Variants in GGA2 observed in about 807,000 individuals in gnomAD.
GGA2 encodes ADP-ribosylation factor-binding protein GGA2.
Under a neutral mutation model 79.5 loss-of-function variants are expected in GGA2, and 48 were observed. That is an observed-to-expected ratio of 0.60 (90% confidence interval 0.48 to 0.77). The LOEUF is 0.77. GGA2 is among the 30% of genes least tolerant of loss of function. GGA2 has a pLI of 0.00. For synonymous variants in GGA2, 317 were observed against 302.0 expected (o/e 1.05, Z -0.51); for missense variants, 770 against 774.0 (o/e 0.99, Z 0.06).
chr16:23,476,704 A>G (rs1429193922), intron 13 of GGA2, among the ~76,000 whole-genome samples: 1 of 152,248 alleles, frequency 6.6e-6, no homozygotes, highest in African/African-American at 2.4e-5. Flanking sequence ...ATACAAAAAA[A>G]GCAAAAAAGG....
intron 8 of GGA2, 118 bp downstream of exon 8, chr16:23,485,897 G>T: frequency 1.1e-6 from 1 of 887,860 alleles, no homozygotes; most frequent in Non-Finnish European, 1.8e-6. Context: ...CATTTGGGGA[G>T]GTGTCAGATA....
intron 3 of GGA2, 21 bp from the exon 4 acceptor site, chr16:23,493,479 C>T: frequency 6.7e-7 from 1 of 1,501,158 alleles, no homozygotes; most frequent in South Asian, 1.1e-5. Context: ...ACAGGACCCC[C>T]AGGAGAAGGT....
Position 23,510,392 on chromosome 16 carries a change from G to A in GGA2, c.20C>T (p.Ala7Val). MAATAV[A>V]AAVAGTESAQ... ...CGACTCGGTTCCCGCCACAGCCGCC[G>A]CCACCGCGGTCGCCGCCATCGCTCC... The change falls in exon 1 of 17, where the codon GCG becomes GTG. Residue 7 changes from alanine to valine, a missense_variant. Coordinates refer to ENST00000309859, the MANE Select transcript of GGA2 (RefSeq NM_015044.4). The A allele has an allele frequency of 2.9e-6, 4 of 1,392,742 alleles. No homozygotes were observed. Among genetic ancestry groups the A allele is most frequent in the South Asian group, 1.5e-5 (1 of 66,596 alleles). The allele number at this position is 1,392,742 out of a possible 1,614,324, so 86.3% of individuals were successfully genotyped here.
chr16:23,511,040 T>TGTGC (rs1416496294), upstream of GGA2, among the ~76,000 whole-genome samples: 1 of 150,942 alleles, frequency 6.6e-6, no homozygotes, highest in Non-Finnish European at 1.5e-5. Context: ...TGTGTGTGTG[T>TGTGC]GTGTGTGTGT....
rs111866866 is a variant in GGA2 at position 23,515,623 on chromosome 16, C to T, written c.61+3964G>A. On this transcript the variant is annotated intron_variant, in intron 2 of 5. Coordinates refer to the GGA2 transcript ENST00000569300. ...AATTAAAAATAAATTACCCAGCCTCCGATATTTCTTTACAGCAACACAATG... is the reference window on the plus strand; with the variant it reads ...AATTAAAAATAAATTACCCAGCCTCTGATATTTCTTTACAGCAACACAATG... Among the ~76,000 whole-genome samples, 572 of 151,708 alleles carry T rather than the reference C, an allele frequency of 3.8e-3. 1 individual carries two copies. The highest frequency in any genetic ancestry group is 0.013 in the South Asian group (62 of 4,798).
chr16:23,484,494 G>T (rs985745303), intron 8 of GGA2, among the ~76,000 whole-genome samples: 2 of 152,134 alleles, frequency 1.3e-5, no homozygotes, highest in African/African-American at 4.8e-5. Context: ...AAGGAAGGGA[G>T]AAAACTGTCT....
chr16:23,477,465 TGA>T (rs1325220215), intron 13 of GGA2, among the ~76,000 whole-genome samples: 3 of 152,196 alleles, frequency 2.0e-5, no homozygotes, highest in African/African-American at 7.2e-5. Flanking sequence ...GCCTTTTGGC[TGA>T]GTGTGGTGGC....
intron 8 of GGA2, 151 bp downstream of exon 8, chr16:23,485,864 G>A: frequency 1.4e-6 from 1 of 712,358 alleles, no homozygotes; most frequent in Non-Finnish European, 2.3e-6. Context: ...GACAGACAAA[G>A]GGAGGACAAA....
rs1232674582 is a variant in GGA2, at chr16:23,480,742, G to A, written c.909C>T (p.Leu303=). The A allele has an allele frequency of 6.2e-7, 1 of 1,611,510 alleles. No homozygotes were observed. The highest frequency in any genetic ancestry group is 1.1e-5 in the South Asian group (1 of 91,012). The change falls in exon 10 of 17, where the codon CTC becomes CTT. Residue 303 remains leucine, a synonymous_variant. Coordinates refer to ENST00000309859, the MANE Select transcript of GGA2 (RefSeq NM_015044.4). The part of the protein sequence containing the change: ...LAEILQANDL[L]TQGVLLYKQV... ...GTTTGTACAGCAGAACTCCTTGGGT[G>A]AGGAGGTCATTTGCCTGGAGAATTT...
At chr16:23,486,889 C>A (rs1433607021) in intron 6 of GGA2, 99 bp from the exon 7 acceptor site, 2 of 775,290 alleles carry the variant, frequency 2.6e-6, no homozygotes, top group African/African-American at 3.4e-5. Flanking sequence ...CAACAGTGCA[C>A]ACATTTTACA....
chr16:23,478,237 A>C (rs1012542908), intron 13 of GGA2, 131 bp downstream of exon 13: 1 of 660,166 alleles, frequency 1.5e-6, no homozygotes, highest in African/African-American at 1.9e-5. Context: ...AAAAAAAAAA[A>C]AAGAAAGAAA....
chr16:23,496,302 CAAAA>C (rs754859869), intron 1 of GGA2, among the ~76,000 whole-genome samples: 1 of 35,840 alleles, frequency 2.8e-5, no homozygotes, highest in Admixed American at 2.4e-4. Flanking sequence ...GACTCTGTCT[CAAAA>C]AAAAAAAAAA....
At chr16:23,508,476 C>A (rs143177094) in intron 1 of GGA2, among the ~76,000 whole-genome samples, 1 of 152,236 alleles carries the variant, frequency 6.6e-6, no homozygotes, top group African/African-American at 2.4e-5. Context: ...TGGTTGGTTA[C>A]CAAATTCAAA....
chr16:23,521,006 G>C (rs997853025), intron 1 of GGA2, among the ~76,000 whole-genome samples: 3 of 152,106 alleles, frequency 2.0e-5, no homozygotes, highest in African/African-American at 7.2e-5. Flanking sequence ...TGGCCAGGCT[G>C]GTCTTGAACT....
Position 23,486,061 on chromosome 16 carries a change from A to G in GGA2, c.752T>C (p.Met251Thr), listed in dbSNP as rs1964708002. Residue 251 changes from methionine (M) to threonine (T), a missense_variant, in exon 8 of 17, where the codon ATG becomes ACG. Coordinates refer to ENST00000309859, the MANE Select transcript of GGA2 (RefSeq NM_015044.4). Reference sequence around the variant, plus strand: ...CGGGGCCTGCCCTGGCCTGCGGTACATGCTCAGCATCTCCTGCAGCACCTT... The same window carrying G: ...CGGGGCCTGCCCTGGCCTGCGGTACGTGCTCAGCATCTCCTGCAGCACCTT... Reference protein sequence around the residue: ...HVKVLQEMLSMYRRPGQAPPD... With the variant: ...HVKVLQEMLSTYRRPGQAPPD... 2.5e-6 allele frequency: 4 copies of G among 1,614,174 alleles called. No individual in the cohort carries two copies. In the African/African-American group the frequency reaches 4.0e-5, roughly 16 times the overall value.
upstream of GGA2, among the ~76,000 whole-genome samples, chr16:23,511,079 G>A (rs1269436894): frequency 6.6e-6 from 1 of 150,724 alleles, no homozygotes; most frequent in Non-Finnish European, 1.5e-5. Context: ...ATGTTGCCCG[G>A]GTGGTCTCGA....
intron 2 of GGA2, chr16:23,519,535 T>G: frequency 2.8e-6 from 1 of 361,966 alleles, no homozygotes; most frequent in Non-Finnish European, 5.6e-6. Flanking sequence ...CGAGTTTGTA[T>G]GTGGAATATT....
chr16:23,481,224 C>T (rs752063426), intron 9 of GGA2, among the ~76,000 whole-genome samples: 2 of 151,980 alleles, frequency 1.3e-5, no homozygotes, highest in African/African-American at 2.4e-5. Context: ...ACTAAAAATA[C>T]AAAAAATCAG....
At chr16:23,472,733 T>TA (rs972556430) in intron 14 of GGA2, among the ~76,000 whole-genome samples, 110 of 147,260 alleles carry the variant, frequency 7.5e-4, no homozygotes, top group Middle Eastern at 3.6e-3. Context: ...TAAAATAATT[T>TA]AAAAAAAAAG....
Sources: allele counts gnomAD v4.1 joint callset (sites outside exome capture counted in the v4.1 genomes callset), GRCh38; gene constraint gnomAD v4.1.1; transcripts MANE v1.5; gene names NCBI Gene and HGNC (gene_info 2026-07-23, HGNC 2026-07-21).